PCDHB6: variants seen among roughly 807,000 people sequenced by gnomAD.
PCDHB6 encodes the protein protocadherin beta-6.
For missense variants in PCDHB6, 1,137 were observed against 1,010.1 expected (o/e 1.13, Z -1.70); for synonymous variants, 506 against 459.0 (o/e 1.10, Z -1.31).
Position 141,151,734 on chromosome 5 carries a change from G to C in PCDHB6, c.1477G>C (p.Asp493His). 1 of 1,613,222 alleles carries C rather than the reference G, an allele frequency of 6.2e-7. No individual in the cohort carries two copies. Among genetic ancestry groups the C allele is most frequent in the Non-Finnish European group, 8.5e-7 (1 of 1,180,034 alleles). Residue 493 changes from aspartate (D) to histidine (H), a missense_variant, in exon 1 of 1, where the codon GAC (aspartate) becomes CAC (histidine). By Grantham distance (81) the Asp-to-His change is moderately conservative. Coordinates refer to ENST00000231136, the MANE Select transcript of PCDHB6 (RefSeq NM_018939.4). ...QVTYSLLPPQ[D>H]PHLPLSSLVS... ...CACCTACTCGCTGCTGCCGCCCCAG[G>C]ACCCGCACCTGCCCCTCTCTTCCCT...
Position 141,150,863 on chromosome 5 carries a change from G to A in PCDHB6, c.606G>A (p.Glu202=), listed in dbSNP as rs782568233. The part of the protein sequence containing the change: ...ELVLDKPLDR[E]EQPQLRLTLI... Reference sequence around the variant, plus strand: ...TGCTAGACAAACCGTTGGACCGCGAGGAGCAGCCCCAACTCAGGCTAACGC... The same window carrying A: ...TGCTAGACAAACCGTTGGACCGCGAAGAGCAGCCCCAACTCAGGCTAACGC... The change falls in exon 1 of 1, where the codon GAG becomes GAA. Residue 202 remains glutamate (E), a synonymous_variant. Transcript: ENST00000231136. The A allele has an allele frequency of 1.7e-5, 28 of 1,614,094 alleles. No individual in the cohort carries two copies. Among genetic ancestry groups the A allele is most frequent in the Non-Finnish European group, 2.2e-5 (26 of 1,180,044 alleles).
chr5:141,152,206 G>C lies in PCDHB6; in HGVS notation c.1949G>C (p.Arg650Pro), dbSNP rs1752899422. Residue 650 changes from arginine (R) to proline (P), a missense_variant, in exon 1 of 1, where the codon CGC becomes CCC. Coordinates refer to ENST00000231136, the MANE Select transcript of PCDHB6 (RefSeq NM_018939.4). Reference protein sequence around the residue: ...VLVKDNGEPPRSATATLHVLL... With the variant: ...VLVKDNGEPPPSATATLHVLL... Reference sequence around the variant, plus strand: ...GTCAAGGACAATGGCGAGCCTCCGCGCTCGGCCACCGCCACGCTGCACGTG... The same window carrying C: ...GTCAAGGACAATGGCGAGCCTCCGCCCTCGGCCACCGCCACGCTGCACGTG... The C allele has an allele frequency of 3.1e-6, 5 of 1,606,922 alleles. No individual in the cohort carries two copies. The highest frequency in any genetic ancestry group is 1.7e-5 in the Admixed American group (1 of 60,002).
rs782249125 is a variant in PCDHB6, at chr5:141,152,908, A to ACCCC, written c.*266_*267insCCCC. On this transcript the variant is annotated 3_prime_UTR_variant, in exon 1 of 1. Coordinates refer to ENST00000231136, the MANE Select transcript of PCDHB6 (RefSeq NM_018939.4). ...AAATTATCTATTCTTCCCCCCCCCA[A>ACCCC]AAAAAAGTATTGTAAATCCTTAAGT... 4.6e-5 allele frequency: 10 copies of ACCCC among 219,210 alleles called. No individual in the cohort carries two copies. The highest frequency in any genetic ancestry group is 1.2e-4 in the Admixed American group (2 of 16,250). The allele number at this position is 219,210 out of a possible 1,614,324, so 13.6% of individuals were successfully genotyped here.
Position 141,151,641 on chromosome 5 carries a change from A to C in PCDHB6, c.1384A>C (p.Asn462His), listed in dbSNP as rs1554277758. Residue 462 changes from asparagine (N) to histidine (H), a missense_variant, in exon 1 of 1, where the codon AAC becomes CAC. By Grantham distance (68) the Asn-to-His change is moderately conservative. Transcript: ENST00000231136. ...TSYTLFVREN[N>H]SPALHIGSVS... ...CTACACCCTGTTCGTCCGCGAGAAC[A>C]ACAGCCCCGCCCTGCACATCGGCAG... The C allele has an allele frequency of 1.9e-6, 3 of 1,613,548 alleles. No individual in the cohort carries two copies. Among genetic ancestry groups the C allele is most frequent in the Admixed American group, 3.3e-5 (2 of 60,028 alleles).
chr5:141,150,994 A>G lies in PCDHB6; in HGVS notation c.737A>G (p.Tyr246Cys), dbSNP rs1554277564. ...DNVPEFAQEL[Y>C]EAQVPENNPL... The stretch of plus-strand genomic sequence containing the variant: ...GTCCCCGAGTTTGCTCAGGAGCTCT[A>G]TGAAGCACAAGTCCCTGAGAACAAC... Residue 246 changes from tyrosine to cysteine, a missense_variant, in exon 1 of 1, where the codon TAT (tyrosine) becomes TGT (cysteine). By Grantham distance (194) the Tyr-to-Cys change is radical. Transcript: ENST00000231136. 13 of 1,614,042 alleles carry G rather than the reference A, an allele frequency of 8.1e-6. No homozygotes were observed. Among genetic ancestry groups the G allele is most frequent in the Non-Finnish European group, 1.1e-5 (13 of 1,180,048 alleles).
In PCDHB6 at chr5:141,152,800, T is replaced by A; in HGVS notation, c.*158T>A. The A allele has an allele frequency of 1.6e-6, 1 of 615,544 alleles. No individual in the cohort carries two copies. Among genetic ancestry groups the A allele is most frequent in the Non-Finnish European group, 2.6e-6 (1 of 379,904 alleles). 38.1% of individuals were successfully genotyped at this position (615,544 alleles called of 1,614,324 possible). ...CTTAGTATTTCCTGTTCATGCTTAG[T>A]AGTTTATTACTTCACTTGAGGGTAC... On this transcript the variant is annotated 3_prime_UTR_variant, in exon 1 of 1. Transcript: ENST00000231136.
Position 141,150,629 on chromosome 5 carries a change from T to C in PCDHB6, c.372T>C (p.Asp124=), listed in dbSNP as rs1267278403. The change falls in exon 1 of 1, where the codon GAT becomes GAC. Residue 124 remains aspartate, a synonymous_variant. Coordinates refer to ENST00000231136, the MANE Select transcript of PCDHB6 (RefSeq NM_018939.4). ...TTCAGGCTTCCTTGCGAGTCAGAGA[T>C]ATAAATGACCACGCCCCGGAATTCC... ...QFFQASLRVR[D]INDHAPEFPA... 6.2e-7 allele frequency: 1 copy of C among 1,614,008 alleles called. No individual in the cohort carries two copies. The highest frequency in any genetic ancestry group is 8.5e-7 in the Non-Finnish European group (1 of 1,180,036).
rs782794090 is a variant in PCDHB6, at chr5:141,152,070, C to T, written c.1813C>T (p.Leu605Phe). The change falls in exon 1 of 1, where the codon CTC becomes TTC. Residue 605 changes from leucine (L) to phenylalanine (F), a missense_variant. Physicochemically the swap from Leu to Phe is conservative, Grantham distance 22 (BLOSUM62 0). Coordinates refer to ENST00000231136, the MANE Select transcript of PCDHB6 (RefSeq NM_018939.4). ...GAACGCCTGGCTGTCGTACCAGCTG[C>T]TCAAGGCCACGGAGCTCGGTCTGTT... Reference protein sequence around the residue: ...GQNAWLSYQLLKATELGLFGV... With the variant: ...GQNAWLSYQLFKATELGLFGV... 20 of 1,606,936 alleles carry T rather than the reference C, an allele frequency of 1.2e-5. No individual in the cohort carries two copies. Among genetic ancestry groups the T allele is most frequent in the South Asian group, 1.1e-5 (1 of 90,970 alleles).
Position 141,151,225 on chromosome 5 carries a change from GA to G in PCDHB6, c.969del (p.Gly324AlafsTer8). 1 of 1,614,170 alleles carries G rather than the reference GA, an allele frequency of 6.2e-7. No homozygotes were observed. The highest frequency in any genetic ancestry group is 1.6e-4 in the Middle Eastern group (1 of 6,062). On this transcript the variant is annotated frameshift_variant, in exon 1 of 1. Coordinates refer to ENST00000231136, the MANE Select transcript of PCDHB6 (RefSeq NM_018939.4). LOFTEE classifies it low-confidence loss of function (END_TRUNC). ...YDVDVEATDG[G>X]GLSGKCSLVV... The stretch of plus-strand genomic sequence containing the variant: ...GTGGATGTTGAGGCTACAGATGGTG[GA>G]GGCCTATCAGGAAAATGCTCTTTAG...
chr5:141,151,928 C>A lies in PCDHB6; in HGVS notation c.1671C>A (p.Pro557=). The A allele has an allele frequency of 6.2e-7, 1 of 1,611,582 alleles. No individual in the cohort carries two copies. The highest frequency in any genetic ancestry group is 8.5e-7 in the Non-Finnish European group (1 of 1,179,752). The change falls in exon 1 of 1, where the codon CCC becomes CCA. Residue 557 remains proline, a synonymous_variant. Transcript: ENST00000231136. ...TGCTGGACGCCAACGACAACTCGCC[C>A]TTCGTGTTGTACCCGCTGCAGAACG... ...LLVLDANDNS[P]FVLYPLQNGS... is the part of the protein sequence containing the mutation.
chr5:141,152,400 A>C lies in PCDHB6; in HGVS notation c.2143A>C (p.Ser715Arg). 2 of 1,612,624 alleles carry C rather than the reference A, an allele frequency of 1.2e-6. No homozygotes were observed. Among genetic ancestry groups the C allele is most frequent in the Middle Eastern group, 1.7e-4 (1 of 5,808 alleles). The change falls in exon 1 of 1, where the codon AGC becomes CGC. Residue 715 changes from serine to arginine, a missense_variant. By Grantham distance (110) the Ser-to-Arg change is moderately radical (BLOSUM62 -1). Transcript: ENST00000231136. ...LFVAVRLCRR[S>R]RAASVGRYSV... is the part of the protein sequence containing the mutation. ...CGTGGCGGTGCGGCTGTGCAGGAGG[A>C]GCAGGGCGGCCTCGGTGGGTCGCTA...
At position 141,150,768 on chromosome 5, in the gene PCDHB6, A is replaced by G; in HGVS notation, c.511A>G (p.Ile171Val). The G allele has an allele frequency of 1.9e-6, 3 of 1,614,200 alleles. No individual in the cohort carries two copies. Among genetic ancestry groups the G allele is most frequent in the Non-Finnish European group, 2.5e-6 (3 of 1,180,028 alleles). ...TGSNGLQRYT[I>V]SSNPHFHVLT... ...CAGCAACGGCCTTCAGAGGTACACA[A>G]TCAGCTCCAACCCTCACTTCCACGT... is the stretch of plus-strand genomic sequence containing the variant. The change falls in exon 1 of 1, where the codon ATC becomes GTC. Residue 171 changes from isoleucine to valine, a missense_variant. Ile to Val is a conservative substitution (Grantham distance 29). Transcript: ENST00000231136.
In PCDHB6 at chr5:141,152,769, T is replaced by C; in HGVS notation, c.*127T>C. 7 of 799,680 alleles carry C rather than the reference T, an allele frequency of 8.8e-6. No individual in the cohort carries two copies. Among genetic ancestry groups the C allele is most frequent in the Non-Finnish European group, 1.3e-5 (7 of 524,372 alleles). 49.5% of individuals were successfully genotyped at this position (799,680 alleles called of 1,614,324 possible). The stretch of plus-strand genomic sequence containing the variant: ...TGAAATTTTATATAAAGTAAGATAC[T>C]GGTATCTTAGTATTTCCTGTTCATG... On this transcript the variant is annotated 3_prime_UTR_variant, in exon 1 of 1. Transcript: ENST00000231136.
At position 141,151,916 on chromosome 5, in the gene PCDHB6, C is replaced by A. The variant is rs781860579; in HGVS notation, c.1659C>A (p.Asn553Lys). 5 of 1,611,684 alleles carry A rather than the reference C, an allele frequency of 3.1e-6. No individual in the cohort carries two copies. Among genetic ancestry groups the A allele is most frequent in the Non-Finnish European group, 3.4e-6 (4 of 1,179,762 alleles). Residue 553 changes from asparagine (N) to lysine (K), a missense_variant, in exon 1 of 1, where the codon AAC (asparagine) becomes AAA (lysine). Physicochemically the swap from Asn to Lys is moderately conservative, Grantham distance 94 (BLOSUM62 0). Coordinates refer to ENST00000231136, the MANE Select transcript of PCDHB6 (RefSeq NM_018939.4). Reference sequence around the variant, plus strand: ...TGCGCTTGCTGGTGCTGGACGCCAACGACAACTCGCCCTTCGTGTTGTACC... The same window carrying A: ...TGCGCTTGCTGGTGCTGGACGCCAAAGACAACTCGCCCTTCGTGTTGTACC... Reference protein sequence around the residue: ...ALVRLLVLDANDNSPFVLYPL... With the variant: ...ALVRLLVLDAKDNSPFVLYPL...
At position 141,152,960 on chromosome 5, in the gene PCDHB6, G is replaced by C. The variant is rs1177912901; in HGVS notation, c.*318G>C. The C allele has an allele frequency of 4.7e-6, 1 of 213,332 alleles. No homozygotes were observed. Among genetic ancestry groups the C allele is most frequent in the Non-Finnish European group, 9.9e-6 (1 of 101,278 alleles). 13.2% of individuals were successfully genotyped at this position (213,332 alleles called of 1,614,324 possible). On this transcript the variant is annotated 3_prime_UTR_variant, in exon 1 of 1. Coordinates refer to ENST00000231136, the MANE Select transcript of PCDHB6 (RefSeq NM_018939.4). ...AAATTGTATTTCTAGCTATTGGTAA[G>C]AGTTGTTTCACTATTGCTATGTAGG...
rs199862013 is a variant in PCDHB6 at position 141,151,576 on chromosome 5, C to T, written c.1319C>T (p.Ser440Phe). 6.2e-6 allele frequency: 10 copies of T among 1,614,062 alleles called. No individual in the cohort carries two copies. In the East Asian group the frequency reaches 8.9e-5, roughly 14 times the overall value. Residue 440 changes from serine to phenylalanine, a missense_variant, in exon 1 of 1, where the codon TCC (serine) becomes TTC (phenylalanine). By Grantham distance (155) the Ser-to-Phe change is radical. Coordinates refer to ENST00000231136, the MANE Select transcript of PCDHB6 (RefSeq NM_018939.4). ...CAGCAGAGCATAACTGTGCAGGTCT[C>T]CGACGTCAATGACAACGCCCCCGCC... is the stretch of plus-strand genomic sequence containing the variant. ...KTQQSITVQV[S>F]DVNDNAPAFT...
At position 141,152,696 on chromosome 5, in the gene PCDHB6, A is replaced by G; in HGVS notation, c.*54A>G. On this transcript the variant is annotated 3_prime_UTR_variant, in exon 1 of 1. Coordinates refer to ENST00000231136, the MANE Select transcript of PCDHB6 (RefSeq NM_018939.4). Reference sequence around the variant, plus strand: ...TATGTTTGGAGATCTCTTTTAACTTAAAGTTACATGGTCTGTTTCTTGTTT... The same window carrying G: ...TATGTTTGGAGATCTCTTTTAACTTGAAGTTACATGGTCTGTTTCTTGTTT... 6.9e-7 allele frequency: 1 copy of G among 1,441,162 alleles called. No homozygotes were observed. Among genetic ancestry groups the G allele is most frequent in the Non-Finnish European group, 9.4e-7 (1 of 1,068,260 alleles). The allele number at this position is 1,441,162 out of a possible 1,614,324, so 89.3% of individuals were successfully genotyped here.
Position 141,151,167 on chromosome 5 carries a change from G to C in PCDHB6, c.910G>C (p.Ala304Pro), listed in dbSNP as rs200835773. Residue 304 changes from alanine (A) to proline (P), a missense_variant, in exon 1 of 1, where the codon GCT (alanine) becomes CCT (proline). Physicochemically the swap from Ala to Pro is conservative, Grantham distance 27 (BLOSUM62 -1). Coordinates refer to ENST00000231136, the MANE Select transcript of PCDHB6 (RefSeq NM_018939.4). ...AITGEIRLRK[A>P]LDFEEIQSYD... ...CACAGGAGAAATTCGGCTGAGAAAG[G>C]CTTTGGATTTTGAGGAAATTCAGTC... 6.2e-7 allele frequency: 1 copy of C among 1,614,212 alleles called. No individual in the cohort carries two copies. Among genetic ancestry groups the C allele is most frequent in the Non-Finnish European group, 8.5e-7 (1 of 1,180,044 alleles).
Position 141,150,968 on chromosome 5 carries a change from C to A in PCDHB6, c.711C>A (p.Asn237Lys), listed in dbSNP as rs1752842135. 6.2e-7 allele frequency: 1 copy of A among 1,614,142 alleles called. No homozygotes were observed. Among genetic ancestry groups the A allele is most frequent in the East Asian group, 2.2e-5 (1 of 44,868 alleles). ...IQIQVLDIND[N>K]VPEFAQELYE... ...TCCAGGTTTTGGACATCAATGACAA[C>A]GTCCCCGAGTTTGCTCAGGAGCTCT... The change falls in exon 1 of 1, where the codon AAC becomes AAA. Residue 237 changes from asparagine to lysine, a missense_variant. Transcript: ENST00000231136.
Sources: allele counts gnomAD v4.1 joint callset, GRCh38; gene constraint gnomAD v4.1.1; transcripts MANE v1.5; gene names NCBI Gene and HGNC (gene_info 2026-07-23, HGNC 2026-07-21).